The following GATAD1 variants were observed in gnomAD, a reference collection of about 807,000 sequenced individuals.
GATAD1 encodes the protein GATA zinc finger domain-containing protein 1.
A neutral mutation model predicts 26.5 loss-of-function variants in GATAD1; 12 were observed. The ratio of observed to expected loss-of-function variants is 0.45; its 90% CI spans 0.29 to 0.73. GATAD1 has a LOEUF of 0.73. Among genes scored for constraint, GATAD1 ranks in the 30% least tolerant of loss-of-function variants. The probability of loss-of-function intolerance (pLI) is 0.10; values close to 1 mark genes in which losing one functional copy is unlikely to be tolerated. For missense variants in GATAD1, 266 were observed against 342.1 expected (o/e 0.78, Z 1.75); for synonymous variants, 129 against 133.1 (o/e 0.97, Z 0.21).
the GATAD1 span, chr7:92,489,555 C>A: frequency 9.6e-7 from 1 of 1,043,750 alleles, no homozygotes. Flanking sequence ...GATAATGAAA[C>A]ATTGAAAGCA....
the GATAD1 span, chr7:92,470,200 G>A: frequency 1.2e-5 from 9 of 778,670 alleles, no homozygotes; most frequent in South Asian, 9.4e-5. Flanking sequence ...GGCAGTGAAG[G>A]TGGGGGTTCC....
the GATAD1 span, among the ~76,000 whole-genome samples, chr7:92,466,504 A>G: frequency 2.6e-5 from 4 of 152,224 alleles, no homozygotes; most frequent in African/African-American, 9.6e-5. Flanking sequence ...GGGGAAATAT[A>G]ATTTAAAAAA....
In GATAD1 at chr7:92,447,791, A is replaced by G. The variant is rs1562816127; in HGVS notation, c.62A>G (p.Lys21Arg). The part of the protein sequence containing the change: ...VCKTTSSSMW[K>R]KGAQGEILCH... ...AAGACCACGTCGTCCTCCATGTGGA[A>G]GAAGGGAGCGCAGGGGGAGATCCTC... The change falls in exon 1 of 5, where the codon AAG becomes AGG. Residue 21 changes from lysine (K) to arginine (R), a missense_variant. Transcript: ENST00000287957. The G allele has an allele frequency of 4.7e-6, 7 of 1,496,760 alleles. No homozygotes were observed. The highest frequency in any genetic ancestry group is 2.3e-5 in the Admixed American group (1 of 43,698). The allele number at this position is 1,496,760 out of a possible 1,614,324, so 92.7% of individuals were successfully genotyped here.
chr7:92,477,213 G>A, the GATAD1 span, among the ~76,000 whole-genome samples: 1 of 152,266 alleles, frequency 6.6e-6, no homozygotes, highest in Admixed American at 6.5e-5. Flanking sequence ...CAACCCAGAA[G>A]GGTTGGGGGT....
intron 4 of GATAD1, among the ~76,000 whole-genome samples, chr7:92,455,949 C>T (rs913695268): frequency 3.3e-5 from 5 of 152,150 alleles, no homozygotes; most frequent in Admixed American, 3.3e-4. Context: ...GTCAGAACAC[C>T]AGTTCTGGAG....
chr7:92,463,130 C>T (rs372548296), downstream of GATAD1: 10 of 152,234 alleles, frequency 6.6e-5, 1 homozygote, highest in African/African-American at 2.4e-4. Flanking sequence ...ATAAGCCAAA[C>T]TTAAAAGGAC....
chr7:92,473,779 AC>A, the GATAD1 span, among the ~76,000 whole-genome samples: 1 of 151,880 alleles, frequency 6.6e-6, no homozygotes, highest in Admixed American at 6.6e-5. Flanking sequence ...GACTAAGAAG[AC>A]CGCACCAGTG....
chr7:92,459,686 A>G lies in GATAD1; in HGVS notation c.*3124A>G, dbSNP rs749194574. 6.6e-6 allele frequency among the ~76,000 whole-genome samples: 1 copy of G among 152,050 alleles called. No individual in the cohort carries two copies. Among genetic ancestry groups the G allele is most frequent in the African/African-American group, 2.4e-5 (1 of 41,400 alleles). ...CCTTTTTGGAATCAATCTCTATCCT[A>G]TTGTCATCACATTTAAGTTTCTACT... On this transcript the variant is annotated 3_prime_UTR_variant, in exon 5 of 5. Coordinates refer to ENST00000287957, the MANE Select transcript of GATAD1 (RefSeq NM_021167.5).
downstream of GATAD1, among the ~76,000 whole-genome samples, chr7:92,462,589 T>C (rs1330116941): frequency 6.6e-6 from 1 of 152,202 alleles, no homozygotes; most frequent in African/African-American, 2.4e-5. Context: ...GATGGTAATC[T>C]AAATGGTGTT....
At chr7:92,482,961 GA>G in the GATAD1 span, among the ~76,000 whole-genome samples, 1 of 152,178 alleles carries the variant, frequency 6.6e-6, no homozygotes, top group South Asian at 2.1e-4. Flanking sequence ...TTAAACAGGG[GA>G]TGGACTTAGC....
At chr7:92,489,976 A>G in the GATAD1 span, 2 of 1,210,590 alleles carry the variant, frequency 1.7e-6, no homozygotes, top group Middle Eastern at 2.1e-4. Context: ...CTATGTGTTT[A>G]CCAAATATAA....
rs1263954185 is a variant in GATAD1, at chr7:92,457,394, G to T, written c.*832G>T. On this transcript the variant is annotated 3_prime_UTR_variant, in exon 5 of 5. Coordinates refer to ENST00000287957, the MANE Select transcript of GATAD1 (RefSeq NM_021167.5). ...CAGGAGAATTGGTTGAACCCAGGAGGCGGAGGTTGCAGTGAGCAGAGATCG... is the reference window on the plus strand; with the variant it reads ...CAGGAGAATTGGTTGAACCCAGGAGTCGGAGGTTGCAGTGAGCAGAGATCG... The T allele has an allele frequency of 1.3e-5, 2 of 152,358 alleles. No homozygotes were observed. The highest frequency in any genetic ancestry group is 6.5e-5 in the Admixed American group (1 of 15,274). The allele number at this position is 152,358 out of a possible 1,614,324, so 9.4% of individuals were successfully genotyped here. A position where few individuals can be genotyped will look rare whatever the true frequency, so the allele number is the denominator to read the frequency against.
chr7:92,470,455 C>T, the GATAD1 span: 3 of 617,812 alleles, frequency 4.9e-6, no homozygotes, highest in Non-Finnish European at 8.8e-6. Flanking sequence ...TAGAGGTTCA[C>T]AGGAATAGCT....
the GATAD1 span, among the ~76,000 whole-genome samples, chr7:92,478,554 G>T: frequency 6.6e-6 from 1 of 152,180 alleles, no homozygotes; most frequent in Non-Finnish European, 1.5e-5. Flanking sequence ...ATAATCAGCA[G>T]TAAAGCCAGC....
At chr7:92,487,399 C>A in the GATAD1 span, 3 of 886,930 alleles carry the variant, frequency 3.4e-6, no homozygotes, top group Non-Finnish European at 5.5e-6. Flanking sequence ...TTTCCTGTTA[C>A]AACATATGGA....
downstream of GATAD1, among the ~76,000 whole-genome samples, chr7:92,462,336 C>G (rs1789948423): frequency 6.7e-6 from 1 of 150,328 alleles, no homozygotes; most frequent in Non-Finnish European, 1.5e-5. Context: ...AGTGTAAAAC[C>G]TGGACACAAC....
intron 4 of GATAD1, among the ~76,000 whole-genome samples, chr7:92,455,667 C>G (rs1789639751): frequency 6.6e-6 from 1 of 152,182 alleles, no homozygotes; most frequent in African/African-American, 2.4e-5. Flanking sequence ...ATCCTGAGAA[C>G]AAGCATAAGT....
the GATAD1 span, chr7:92,487,395 G>T: frequency 3.5e-6 from 3 of 867,438 alleles, no homozygotes; most frequent in Admixed American, 2.2e-5. Flanking sequence ...TTTTTTTCCT[G>T]TTACAACATA....
chr7:92,491,587 T>C, the GATAD1 span: 2 of 817,068 alleles, frequency 2.4e-6, no homozygotes, highest in Non-Finnish European at 2.1e-6. Context: ...AGCATTCTAT[T>C]AGAGCAATAC....
Sources: gnomAD v4.1 joint callset for allele counts (sites outside exome capture counted in the v4.1 genomes callset) on GRCh38, gnomAD v4.1.1 for gene constraint, MANE v1.5 for transcripts, NCBI Gene and HGNC (gene_info 2026-07-23, HGNC 2026-07-21) for gene names.